CACNA1C: variants seen among roughly 807,000 people sequenced by gnomAD.
CACNA1C encodes voltage-dependent L-type calcium channel subunit alpha-1C.
Under a neutral mutation model 229.0 loss-of-function variants are expected in CACNA1C, and 30 were observed. That is an observed-to-expected ratio of 0.13 (90% confidence interval 0.10 to 0.18). The LOEUF (loss-of-function observed/expected upper bound fraction) is 0.18, where lower values mean the gene tolerates loss of function less well. Ranked by LOEUF, CACNA1C falls within the 10% of genes least tolerant of loss-of-function variation. The pLI is 1.00. For synonymous variants in CACNA1C, 1,114 were observed against 1,132.5 expected (o/e 0.98, Z 0.33); for missense variants, 1,658 against 2,845.0 (o/e 0.58, Z 9.49).
At position 1,982,767 on chromosome 12, in the gene CACNA1C, C is replaced by T. The variant is rs145827267; in HGVS notation, c.139+11566C>T. Among the ~76,000 whole-genome samples the T allele has an allele frequency of 2.0e-3, 308 of 152,094 alleles. 2 individuals are homozygous for T. Among genetic ancestry groups the T allele is most frequent in the African/African-American group, 7.2e-3 (297 of 41,506 alleles). On this transcript the variant is annotated intron_variant, in intron 1 of 46. Transcript: ENST00000682462. The stretch of plus-strand genomic sequence containing the variant: ...ATTTTCTTTTCTTGAAATGTCTTTG[C>T]CTTGTTTTGGTATCAGGATAATGCT...
intron 1 of CACNA1C, among the ~76,000 whole-genome samples, chr12:2,062,463 A>G (rs57860259): frequency 0.13 from 19,980 of 152,238 alleles, 2,463 homozygotes; most frequent in African/African-American, 0.33. Context: ...ACTTCTCCCC[A>G]TGGAGAACAG....
intron 3 of CACNA1C, among the ~76,000 whole-genome samples, chr12:2,396,923 G>C (rs1400588511): frequency 1.3e-5 from 2 of 152,238 alleles, no homozygotes; most frequent in Non-Finnish European, 2.9e-5. Flanking sequence ...CACTGTCTCA[G>C]CTCTTTCTTG....
intron 1 of CACNA1C, among the ~76,000 whole-genome samples, chr12:1,974,428 C>T (rs189749302): frequency 6.6e-4 from 101 of 152,150 alleles, no homozygotes; most frequent in East Asian, 3.9e-4. Context: ...TATGAGCTCC[C>T]GAAGACTGTA....
chr12:2,196,738 G>C (rs1420104988), intron 3 of CACNA1C, among the ~76,000 whole-genome samples: 9 of 152,228 alleles, frequency 5.9e-5, no homozygotes, highest in Non-Finnish European at 7.3e-5. Context: ...TTACTCTGCT[G>C]TGAGGGCCAT....
rs375402524 is a variant in CACNA1C at position 2,370,249 on chromosome 12, GATAGAA to G, written c.478-78719_478-78714del. ...GGTAAAATGGGCTCTCATATACTATGATAGAAATAGAAAAAAGTTATAACCTTTCTG... is the reference window on the plus strand; with the variant it reads ...GGTAAAATGGGCTCTCATATACTATGATAGAAAAAAGTTATAACCTTTCTG... On this transcript the variant is annotated intron_variant, in intron 3 of 46. Coordinates refer to ENST00000399655, the MANE Select transcript of CACNA1C (RefSeq NM_000719.7). 5.6e-3 allele frequency among the ~76,000 whole-genome samples: 856 copies of G among 152,244 alleles called. 7 individuals carry two copies. Among genetic ancestry groups the G allele is most frequent in the African/African-American group, 0.019 (804 of 41,548 alleles).
intron 1 of CACNA1C, among the ~76,000 whole-genome samples, chr12:2,068,032 C>T (rs2060020600): frequency 6.6e-6 from 1 of 152,170 alleles, no homozygotes; most frequent in African/African-American, 2.4e-5. Flanking sequence ...CATCCTCTCC[C>T]CTGTTGTAAT....
chr12:2,277,055 G>A (rs1336231250), intron 3 of CACNA1C, among the ~76,000 whole-genome samples: 4 of 152,064 alleles, frequency 2.6e-5, no homozygotes, highest in Admixed American at 1.3e-4. Context: ...TTTCCTATCA[G>A]GAACTATGTC....
chr12:2,355,847 G>A (rs1296269079), intron 3 of CACNA1C, among the ~76,000 whole-genome samples: 3 of 152,146 alleles, frequency 2.0e-5, no homozygotes, highest in Admixed American at 2.0e-4. Flanking sequence ...CCACCCCAGA[G>A]AATGATCCAG....
Position 2,547,644 on chromosome 12 carries a change from A to T in CACNA1C, c.1391-2299A>T, listed in dbSNP as rs11062270. ...GTTCTGTGTGTGTGCATATATGTGT[A>T]TGTATATATGTTGTGTGTGTGTGTG... On this transcript the variant is annotated intron_variant, in intron 9 of 46. Transcript: ENST00000399655. 9.7e-4 allele frequency: 657 copies of T among 676,692 alleles called. 11 individuals are homozygous for T. The East Asian group carries it at 0.014, about 14-fold the overall frequency. 41.9% of individuals were successfully genotyped at this position (676,692 alleles called of 1,614,324 possible).
chr12:2,483,574 A>T (rs561917617), intron 5 of CACNA1C, among the ~76,000 whole-genome samples: 2 of 152,204 alleles, frequency 1.3e-5, no homozygotes, highest in African/African-American at 4.8e-5. Flanking sequence ...TATAATTAGC[A>T]TGTATTATTT....
chr12:2,328,653 G>A (rs1163341538), intron 3 of CACNA1C, among the ~76,000 whole-genome samples: 1 of 152,152 alleles, frequency 6.6e-6, no homozygotes, highest in East Asian at 1.9e-4. Context: ...TGAGTTTTAT[G>A]GAAGCTGAGA....
intron 3 of CACNA1C, among the ~76,000 whole-genome samples, chr12:2,200,104 G>A (rs971908335): frequency 1.3e-5 from 2 of 152,144 alleles, no homozygotes; most frequent in Non-Finnish European, 2.9e-5. Flanking sequence ...GTGAGCACTC[G>A]ACAAAAATTT....
intron 13 of CACNA1C, among the ~76,000 whole-genome samples, chr12:2,581,310 C>T (rs926632738): frequency 2.6e-5 from 4 of 152,080 alleles, no homozygotes; most frequent in African/African-American, 9.7e-5. Flanking sequence ...AAATGTCTTG[C>T]CCAGAGGCAC....
intron 3 of CACNA1C, among the ~76,000 whole-genome samples, chr12:2,247,949 A>C (rs1452354713): frequency 6.6e-6 from 1 of 152,246 alleles, no homozygotes; most frequent in Non-Finnish European, 1.5e-5. Context: ...TTTGTAAGCC[A>C]GAAAGAACTC....
rs186800691 is a variant in CACNA1C, at chr12:2,210,791, G to T, written c.477+90361G>T. ...TGCAACATACCTTTCTTGATCATCT[G>T]CCAGGACCCCAGCACATTTCTGGAG... On this transcript the variant is annotated intron_variant, in intron 3 of 46. Transcript: ENST00000399655. 1.5e-4 allele frequency among the ~76,000 whole-genome samples: 23 copies of T among 152,308 alleles called. No individual in the cohort carries two copies. The East Asian group carries it at 3.3e-3, about 22-fold the overall frequency.
chr12:2,002,591 C>G (rs1475021191), intron 1 of CACNA1C, among the ~76,000 whole-genome samples: 1 of 152,098 alleles, frequency 6.6e-6, no homozygotes, highest in African/African-American at 2.4e-5. Flanking sequence ...TGATAAGGGT[C>G]AAAAGCCTAT....
intron 1 of CACNA1C, among the ~76,000 whole-genome samples, chr12:2,097,683 TG>T (rs375415683): frequency 2.2e-3 from 339 of 152,306 alleles, no homozygotes; most frequent in African/African-American, 7.3e-3. Flanking sequence ...TGTTCCTAGC[TG>T]GGGGCCCCTT....
intron 3 of CACNA1C, among the ~76,000 whole-genome samples, chr12:2,385,373 GA>G (rs1034709109): frequency 7.3e-4 from 104 of 143,078 alleles, no homozygotes; most frequent in East Asian, 8.0e-4. Context: ...GTTCTGATAG[GA>G]AAAAAAAAAA....
chr12:2,378,589 A>C (rs765627900), intron 3 of CACNA1C, among the ~76,000 whole-genome samples: 1 of 152,182 alleles, frequency 6.6e-6, no homozygotes, highest in Non-Finnish European at 1.5e-5. Context: ...AAATTTAAAA[A>C]CAATCATAAA....
Sources: allele counts gnomAD v4.1 joint callset (sites outside exome capture counted in the v4.1 genomes callset), GRCh38; gene constraint gnomAD v4.1.1; transcripts MANE v1.5; gene names NCBI Gene and HGNC (gene_info 2026-07-23, HGNC 2026-07-21).